Variants in SDCCAG8 observed in about 807,000 individuals in gnomAD.
SDCCAG8 encodes the protein serologically defined colon cancer antigen 8.
In SDCCAG8, 74 loss-of-function variants were observed where a neutral mutation model predicts 101.8. The ratio of observed to expected loss-of-function variants is 0.73; its 90% CI spans 0.60 to 0.88. The LOEUF is 0.88. Ranked by LOEUF, SDCCAG8 falls within the 40% of genes least tolerant of loss-of-function variation. SDCCAG8 has a pLI of 0.00. For missense variants in SDCCAG8, 787 were observed against 822.6 expected (o/e 0.96, Z 0.53); for synonymous variants, 281 against 292.9 (o/e 0.96, Z 0.41).
At chr1:243,467,791 C>T (rs1444974591) in intron 16 of SDCCAG8, among the ~76,000 whole-genome samples, 2 of 152,174 alleles carry the variant, frequency 1.3e-5, no homozygotes, top group East Asian at 1.9e-4. Context: ...ACGCATGTCA[C>T]GTCCTGCCAT....
intron 13 of SDCCAG8, among the ~76,000 whole-genome samples, chr1:243,415,278 A>G (rs1173384634): frequency 6.6e-6 from 1 of 152,212 alleles, no homozygotes. Flanking sequence ...TTTTAAGTTT[A>G]GAGTGAAAAC....
At chr1:243,452,414 CTTTTTTTTTTT>C (rs71574667) in intron 16 of SDCCAG8, among the ~76,000 whole-genome samples, 1,397 of 66,686 alleles carry the variant, frequency 0.021, 33 homozygotes, top group African/African-American at 0.078. Context: ...GATCTCATCT[CTTTTTTTTTTT>C]TTTTTTTTTT....
At chr1:243,384,484 A>T (rs991975360) in intron 13 of SDCCAG8, among the ~76,000 whole-genome samples, 1 of 152,186 alleles carries the variant, frequency 6.6e-6, no homozygotes, top group Non-Finnish European at 1.5e-5. Flanking sequence ...GTGTAAATAT[A>T]TATGTTTAAG....
intron 13 of SDCCAG8, among the ~76,000 whole-genome samples, chr1:243,415,269 T>A (rs2080492335): frequency 1.3e-5 from 2 of 152,182 alleles, no homozygotes. Context: ...AAGATTCCAT[T>A]TTAAGTTTAG....
chr1:243,497,338 G>T lies in SDCCAG8; in HGVS notation c.2113-2418G>T, dbSNP rs993045083. Among the ~76,000 whole-genome samples, 20 of 79,924 alleles carry T rather than the reference G, an allele frequency of 2.5e-4. 2 individuals carry two copies. Among genetic ancestry groups the T allele is most frequent in the East Asian group, 3.1e-4 (1 of 3,268 alleles). 52.4% of individuals were successfully genotyped at this position (79,924 alleles called of 152,430 possible). On this transcript the variant is annotated intron_variant, in intron 17 of 17. Transcript: ENST00000366541. ...GTCAGGCACGGCTGTAGGCACGGGTGGGGGGGGGGGCGTTGAGCAGTGAAC... is the reference window on the plus strand; with the variant it reads ...GTCAGGCACGGCTGTAGGCACGGGTTGGGGGGGGGGCGTTGAGCAGTGAAC...
intron 17 of SDCCAG8, among the ~76,000 whole-genome samples, chr1:243,497,967 C>G (rs1300221796): frequency 2.0e-5 from 3 of 152,182 alleles, no homozygotes; most frequent in Non-Finnish European, 4.4e-5. Context: ...CAGGTGTGAG[C>G]CACTGTTGGG....
intron 12 of SDCCAG8, among the ~76,000 whole-genome samples, chr1:243,376,191 A>G (rs1220692385): frequency 3.3e-5 from 5 of 152,156 alleles, no homozygotes; most frequent in African/African-American, 4.8e-5. Flanking sequence ...AGACAGAGGG[A>G]AAAATCAGTA....
chr1:243,443,820 C>T (rs2082709624), intron 16 of SDCCAG8, among the ~76,000 whole-genome samples: 1 of 152,154 alleles, frequency 6.6e-6, no homozygotes, highest in Admixed American at 6.5e-5. Flanking sequence ...TCCTCCCCTC[C>T]TGTCTTCCTT....
intron 16 of SDCCAG8, among the ~76,000 whole-genome samples, chr1:243,443,465 C>T (rs907580213): frequency 6.6e-6 from 1 of 152,112 alleles, no homozygotes; most frequent in Non-Finnish European, 1.5e-5. Flanking sequence ...GGATGGGGGC[C>T]ATGTGCACAC....
At chr1:243,285,065 T>G (rs57225799) in intron 4 of SDCCAG8, among the ~76,000 whole-genome samples, 3,387 of 152,172 alleles carry the variant, frequency 0.022, 135 homozygotes, top group African/African-American at 0.077. Context: ...GTATTTTTAG[T>G]AGAGATGGGG....
intron 4 of SDCCAG8, among the ~76,000 whole-genome samples, chr1:243,284,844 T>C (rs142853937): frequency 3.9e-5 from 6 of 152,264 alleles, no homozygotes; most frequent in Admixed American, 2.0e-4. Context: ...GGAGATAAAA[T>C]TGGGGAAGTG....
rs1669076605 is a variant in SDCCAG8 at position 243,499,857 on chromosome 1, G to A, written c.*72G>A. On this transcript the variant is annotated 3_prime_UTR_variant, in exon 18 of 18. Transcript: ENST00000366541. ...CATTCATCTGGTTTAGACTTAATAT[G>A]CCACAACGCACCACGACCTTCCCAG... 2 of 1,452,972 alleles carry A rather than the reference G, an allele frequency of 1.4e-6. No individual in the cohort carries two copies. The highest frequency in any genetic ancestry group is 3.4e-5 in the Admixed American group (2 of 59,322). 90.0% of individuals were successfully genotyped at this position (1,452,972 alleles called of 1,614,324 possible).
intron 10 of SDCCAG8, among the ~76,000 whole-genome samples, chr1:243,338,539 C>G (rs1442748775): frequency 6.6e-6 from 1 of 151,530 alleles, no homozygotes; most frequent in African/African-American, 2.4e-5. Flanking sequence ...TGTGTGTTAT[C>G]TTCAATAATG....
At chr1:243,454,450 G>A (rs1457026435) in intron 16 of SDCCAG8, among the ~76,000 whole-genome samples, 1 of 152,090 alleles carries the variant, frequency 6.6e-6, no homozygotes, top group African/African-American at 2.4e-5. Context: ...ACTGTGGGAG[G>A]TAATGCATCC....
At chr1:243,306,271 T>G (rs2072118667) in intron 7 of SDCCAG8, 2 of 152,142 alleles carry the variant, frequency 1.3e-5, no homozygotes, top group Non-Finnish European at 2.9e-5. Context: ...TTTTGCTTTC[T>G]TGTTTTTTGT....
intron 12 of SDCCAG8, among the ~76,000 whole-genome samples, chr1:243,370,475 C>T (rs531357600): frequency 2.0e-5 from 3 of 152,106 alleles, no homozygotes; most frequent in Non-Finnish European, 2.9e-5. Flanking sequence ...CACCTGAACT[C>T]ATTTTTGTAA....
At chr1:243,330,784 C>T (rs1283626893) in intron 10 of SDCCAG8, 92 bp downstream of exon 10, 5 of 1,290,486 alleles carry the variant, frequency 3.9e-6, no homozygotes, top group Non-Finnish European at 5.5e-6. Flanking sequence ...CTTGAATGAA[C>T]TTTAAATTTT....
At chr1:243,266,691 C>A (rs2067613121) in intron 1 of SDCCAG8, among the ~76,000 whole-genome samples, 1 of 150,256 alleles carries the variant, frequency 6.7e-6, no homozygotes. Context: ...CACGGTGGCT[C>A]ATGCCTGCAA....
At chr1:243,364,383 A>G (rs139775379) in intron 12 of SDCCAG8, among the ~76,000 whole-genome samples, 3 of 152,294 alleles carry the variant, frequency 2.0e-5, no homozygotes, top group Non-Finnish European at 2.9e-5. Context: ...CCTATAGGTG[A>G]GAATGCTTTA....
Sources: gnomAD v4.1 joint callset for allele counts (sites outside exome capture counted in the v4.1 genomes callset) on GRCh38, gnomAD v4.1.1 for gene constraint, MANE v1.5 for transcripts, NCBI Gene and HGNC (gene_info 2026-07-23, HGNC 2026-07-21) for gene names.